The following KICS2 variants were observed in gnomAD, a reference collection of about 807,000 sequenced individuals.
The protein encoded by KICS2 is KICSTOR complex protein C12orf66.
Under a neutral mutation model 31.4 loss-of-function variants are expected in KICS2, and 13 were observed. The ratio of observed to expected loss-of-function variants is 0.41; its 90% CI spans 0.27 to 0.66. The LOEUF (loss-of-function observed/expected upper bound fraction) is 0.66, where lower values mean the gene tolerates loss of function less well. Among genes scored for constraint, KICS2 ranks in the 30% least tolerant of loss-of-function variants. The pLI is 0.28. For missense variants in KICS2, 455 were observed against 545.4 expected, an observed-to-expected ratio of 0.83 and a Z score of 1.65; for synonymous variants, 209 against 214.8, an observed-to-expected ratio of 0.97 and a Z score of 0.24.
At position 64,193,972 on chromosome 12, in the gene KICS2, G is replaced by A. The variant is rs765477992; in HGVS notation, c.1208C>T (p.Thr403Ile). 6.2e-7 allele frequency: 1 copy of A among 1,614,046 alleles called. No homozygotes were observed. Among genetic ancestry groups the A allele is most frequent in the African/African-American group, 1.3e-5 (1 of 74,908 alleles). The change falls in exon 3 of 3, where the codon ACC becomes ATC. Residue 403 changes from threonine to isoleucine, a missense_variant. Thr to Ile is a moderately conservative substitution (Grantham distance 89). Transcript: ENST00000398055. Reference sequence around the variant, plus strand: ...CTTTGACTCAAAAATGATGACAATGGTAAAGTGAGGTTCCGGGCGGGTTAG... The same window carrying A: ...CTTTGACTCAAAAATGATGACAATGATAAAGTGAGGTTCCGGGCGGGTTAG... ...YFLTRPEPHFTIVIIFESKKS... is the reference protein window; with the variant it reads ...YFLTRPEPHFIIVIIFESKKS...
At chr12:64,189,260 G>A (rs2037361922), downstream of KICS2, among the ~76,000 whole-genome samples, 1 of 152,194 alleles carries the variant, frequency 6.6e-6, no homozygotes. Context: ...AGTTGGAGGT[G>A]AATTTCTCTT....
chr12:64,219,940 T>A (rs978747991), intron 1 of KICS2, among the ~76,000 whole-genome samples: 1 of 152,292 alleles, frequency 6.6e-6, no homozygotes, highest in East Asian at 1.9e-4. Flanking sequence ...ACGAAAGTTT[T>A]CTCCTGAAGT....
chr12:64,187,368 G>C (rs989111231), downstream of KICS2: 45 of 496,144 alleles, frequency 9.1e-5, no homozygotes, highest in Admixed American at 3.7e-5. Flanking sequence ...CTACAGAAGG[G>C]GGAACCCATT....
At chr12:64,221,627 T>C (rs971559940) in intron 1 of KICS2, 2 of 291,362 alleles carry the variant, frequency 6.9e-6, no homozygotes, top group East Asian at 7.9e-5. Flanking sequence ...TGTTCAGTAA[T>C]AGAACTAGGT....
intron 2 of KICS2, among the ~76,000 whole-genome samples, chr12:64,214,543 G>A (rs186091215): frequency 9.9e-5 from 15 of 152,182 alleles, no homozygotes; most frequent in East Asian, 7.7e-4. Flanking sequence ...AACACCTGCC[G>A]TCTTCTTTCC....
chr12:64,203,808 T>C (rs1420231331), intron 2 of KICS2, among the ~76,000 whole-genome samples: 1 of 152,250 alleles, frequency 6.6e-6, no homozygotes, highest in Non-Finnish European at 1.5e-5. Context: ...TCGTTATTCA[T>C]GTGAAAAACA....
chr12:64,196,070 G>C (rs1486628485), intron 2 of KICS2, among the ~76,000 whole-genome samples: 5 of 151,902 alleles, frequency 3.3e-5, no homozygotes, highest in Admixed American at 6.5e-5. Context: ...ACAAAGCAGC[G>C]GGCAGCTCCA....
intron 2 of KICS2, among the ~76,000 whole-genome samples, chr12:64,202,204 T>C (rs768409621): frequency 1.4e-4 from 22 of 152,102 alleles, no homozygotes; most frequent in Non-Finnish European, 2.8e-4. Flanking sequence ...CAGGAGTTCA[T>C]GAGACAGCCT....
chr12:64,196,662 AG>A (rs1175207779), intron 2 of KICS2, among the ~76,000 whole-genome samples: 19 of 148,092 alleles, frequency 1.3e-4, no homozygotes, highest in Admixed American at 1.3e-3. Context: ...GAGCTACGGG[AG>A]GACATTCAAA....
At chr12:64,190,128 CA>C (rs1565712377), downstream of KICS2, among the ~76,000 whole-genome samples, 1 of 152,142 alleles carries the variant, frequency 6.6e-6, no homozygotes, top group East Asian at 1.9e-4. Context: ...CTCTTTCAAA[CA>C]TAATAACTAG....
rs1021928216 is a variant in KICS2, at chr12:64,206,069, C to T, written c.521+9609G>A. 4.6e-5 allele frequency among the ~76,000 whole-genome samples: 7 copies of T among 152,284 alleles called. No homozygotes were observed. In the East Asian group the frequency reaches 1.2e-3, roughly 25 times the overall value. ...TAGCAGCTGGGACTACGGGCACACA[C>T]CACAACACCCAGCTAATTTTTAAAT... On this transcript the variant is annotated intron_variant, in intron 2 of 2. Coordinates refer to ENST00000398055, the MANE Select transcript of KICS2 (RefSeq NM_152440.5).
intron 2 of KICS2, among the ~76,000 whole-genome samples, chr12:64,211,039 G>T (rs2037578190): frequency 6.6e-6 from 1 of 152,066 alleles, no homozygotes; most frequent in Admixed American, 6.6e-5. Flanking sequence ...AGGAGGAAGG[G>T]CTCAGGGATG....
Position 64,191,536 on chromosome 12 carries a change from T to G in KICS2, c.*2306A>C, listed in dbSNP as rs183557571. ...GTCATTAAGGCTAATGGTGGTTTAATCTAAGAGGAAAAAAATACATGCATA... is the reference window on the plus strand; with the variant it reads ...GTCATTAAGGCTAATGGTGGTTTAAGCTAAGAGGAAAAAAATACATGCATA... On this transcript the variant is annotated 3_prime_UTR_variant, in exon 3 of 3. Transcript: ENST00000398055. 2.8e-4 allele frequency: 43 copies of G among 152,236 alleles called. No homozygotes were observed. The highest frequency in any genetic ancestry group is 9.1e-4 in the African/African-American group (38 of 41,534). 9.4% of individuals were successfully genotyped at this position (152,236 alleles called of 1,614,324 possible).
chr12:64,218,634 C>T (rs914506899), intron 1 of KICS2, among the ~76,000 whole-genome samples: 6 of 150,952 alleles, frequency 4.0e-5, no homozygotes, highest in Non-Finnish European at 7.4e-5. Flanking sequence ...TACTATTAAA[C>T]GGGGTGGCCT....
At position 64,193,714 on chromosome 12, in the gene KICS2, G is replaced by A; in HGVS notation, c.*128C>T. ...GCTTATAAAGTGTGCAACACAGGGA[G>A]GATTTGTCTTTAATTTAGTTCTGAA... On this transcript the variant is annotated 3_prime_UTR_variant, in exon 3 of 3. Transcript: ENST00000398055. The A allele has an allele frequency of 2.1e-6, 3 of 1,444,864 alleles. No individual in the cohort carries two copies. The highest frequency in any genetic ancestry group is 1.5e-5 in the South Asian group (1 of 66,498). 89.5% of individuals were successfully genotyped at this position (1,444,864 alleles called of 1,614,324 possible). A position where few individuals can be genotyped will look rare whatever the true frequency, so the allele number is the denominator to read the frequency against.
rs780585744 is a variant in KICS2, at chr12:64,216,002, G to A, written c.236-39C>T. The A allele has an allele frequency of 9.6e-6, 15 of 1,568,940 alleles. No individual in the cohort carries two copies. In the African/African-American group the frequency reaches 1.9e-4, roughly 20 times the overall value. On this transcript the variant is annotated intron_variant, in intron 1 of 2. Coordinates refer to ENST00000398055, the MANE Select transcript of KICS2 (RefSeq NM_152440.5). ...AACATAAGCACATGACAAGTAAGAA[G>A]GAGAAACCGTAAGTACCAAACACCT...
intron 2 of KICS2, among the ~76,000 whole-genome samples, chr12:64,197,790 A>G (rs369956920): frequency 7.6e-5 from 11 of 144,588 alleles, no homozygotes; most frequent in African/African-American, 1.8e-4. Context: ...AAAAAGGCAG[A>G]GGTTGCAATC....
At chr12:64,213,401 C>T (rs2136704326) in intron 2 of KICS2, among the ~76,000 whole-genome samples, 1 of 152,226 alleles carries the variant, frequency 6.6e-6, no homozygotes, top group South Asian at 2.1e-4. Context: ...AGCTGTATGA[C>T]TCTAAGCAAA....
chr12:64,193,171 A>C lies in KICS2; in HGVS notation c.*671T>G. On this transcript the variant is annotated 3_prime_UTR_variant, in exon 3 of 3. Transcript: ENST00000398055. ...ACATTAAAGAAGTCAAAACAAATGC[A>C]GTTAGGTGTGTACATTACCCCAAAA... is the stretch of plus-strand genomic sequence containing the variant. 1.0e-6 allele frequency: 1 copy of C among 985,462 alleles called. No individual in the cohort carries two copies. Among genetic ancestry groups the C allele is most frequent in the Non-Finnish European group, 1.2e-6 (1 of 829,944 alleles). The allele number at this position is 985,462 out of a possible 1,614,324, so 61.0% of individuals were successfully genotyped here.
Sources: gnomAD v4.1 joint callset for allele counts (sites outside exome capture counted in the v4.1 genomes callset) on GRCh38, gnomAD v4.1.1 for gene constraint, MANE v1.5 for transcripts, NCBI Gene and HGNC (gene_info 2026-07-23, HGNC 2026-07-21) for gene names.